Variants in SNTB1 observed in about 807,000 individuals in gnomAD.
SNTB1 encodes syntrophin beta 1.
Under a neutral mutation model 48.9 loss-of-function variants are expected in SNTB1, and 36 were observed. That is an observed-to-expected ratio of 0.74 (90% CI 0.56 to 0.97). The LOEUF is 0.97. Ranked by LOEUF, SNTB1 falls within the 50% of genes least tolerant of loss-of-function variation. SNTB1 has a pLI of 0.00. For synonymous variants in SNTB1, 299 were observed against 294.6 expected, an observed-to-expected ratio of 1.01 and a Z score of -0.15; for missense variants, 786 against 703.4, an observed-to-expected ratio of 1.12 and a Z score of -1.33.
chr8:120,754,069 T>G (rs1819269555), intron 1 of SNTB1, among the ~76,000 whole-genome samples: 1 of 152,300 alleles, frequency 6.6e-6, no homozygotes, highest in Non-Finnish European at 1.5e-5. Flanking sequence ...TCCCAAAGTC[T>G]TCTACTTCTG....
At chr8:120,632,700 C>T in intron 2 of SNTB1, 49 bp from the exon 3 acceptor site, 2 of 1,514,412 alleles carry the variant, frequency 1.3e-6, no homozygotes, top group Non-Finnish European at 1.8e-6. Context: ...GCAGGTCCTG[C>T]TTCGTCAAGA....
At chr8:120,731,491 A>G (rs575634479) in intron 1 of SNTB1, among the ~76,000 whole-genome samples, 5 of 152,304 alleles carry the variant, frequency 3.3e-5, no homozygotes, top group Admixed American at 6.5e-5. Flanking sequence ...CAGCTGATGA[A>G]AGCCTGGAAG....
chr8:120,561,472 A>C (rs1365838682), intron 4 of SNTB1, among the ~76,000 whole-genome samples: 1 of 152,028 alleles, frequency 6.6e-6, no homozygotes, highest in Non-Finnish European at 1.5e-5. Flanking sequence ...GGATATTCTC[A>C]CGTCATGACA....
chr8:120,770,202 T>G (rs137914494), intron 1 of SNTB1, among the ~76,000 whole-genome samples: 31 of 152,154 alleles, frequency 2.0e-4, no homozygotes, highest in African/African-American at 7.5e-4. Flanking sequence ...TATTTGTTGA[T>G]CCTACATTGC....
intron 1 of SNTB1, among the ~76,000 whole-genome samples, chr8:120,783,832 C>T (rs1819871062): frequency 6.6e-6 from 1 of 151,788 alleles, no homozygotes; most frequent in South Asian, 2.1e-4. Flanking sequence ...ATTTTTTTAC[C>T]AATAAAATTA....
intron 1 of SNTB1, among the ~76,000 whole-genome samples, chr8:120,706,655 A>G (rs1232858936): frequency 6.6e-6 from 1 of 152,160 alleles, no homozygotes; most frequent in Non-Finnish European, 1.5e-5. Context: ...CTCAACTCCA[A>G]ATATTGTTTT....
At chr8:120,748,133 T>A (rs1563588600) in intron 1 of SNTB1, among the ~76,000 whole-genome samples, 1 of 152,164 alleles carries the variant, frequency 6.6e-6, no homozygotes, top group African/African-American at 2.4e-5. Flanking sequence ...CTTTCTCTTG[T>A]GCAACCAGGC....
intron 3 of SNTB1, among the ~76,000 whole-genome samples, chr8:120,587,247 A>AAACAAAACAG (rs77506686): frequency 6.8e-4 from 104 of 152,136 alleles, no homozygotes; most frequent in Middle Eastern, 3.2e-3. Context: ...AAAACAGACA[A>AAACAAAACAG]ACAAACAAAA....
chr8:120,747,317 G>C (rs1002147463), intron 1 of SNTB1, among the ~76,000 whole-genome samples: 5 of 152,128 alleles, frequency 3.3e-5, no homozygotes, highest in African/African-American at 1.2e-4. Flanking sequence ...TTAAGACAGG[G>C]TCTTGGTCTG....
chr8:120,656,770 C>A (rs72609833), intron 2 of SNTB1, among the ~76,000 whole-genome samples: 9,209 of 152,004 alleles, frequency 0.061, 689 homozygotes, highest in East Asian at 0.35. Flanking sequence ...TGTTTGATGC[C>A]CAGTTAAAAT....
At chr8:120,662,370 G>A (rs1002734848) in intron 2 of SNTB1, among the ~76,000 whole-genome samples, 3 of 152,158 alleles carry the variant, frequency 2.0e-5, no homozygotes, top group African/African-American at 7.2e-5. Flanking sequence ...GACAAGTTGG[G>A]AAGAAAGTCA....
At chr8:120,584,714 C>T (rs1037550663) in intron 3 of SNTB1, among the ~76,000 whole-genome samples, 1 of 152,064 alleles carries the variant, frequency 6.6e-6, no homozygotes, top group African/African-American at 2.4e-5. Context: ...AGAATGTGAC[C>T]TGATCTGGAA....
intron 1 of SNTB1, among the ~76,000 whole-genome samples, chr8:120,758,552 G>A (rs1476384002): frequency 1.3e-5 from 2 of 152,144 alleles, no homozygotes; most frequent in African/African-American, 4.8e-5. Context: ...CCATTAATAT[G>A]CAATGTAATA....
At chr8:120,590,771 C>A (rs189571299) in intron 3 of SNTB1, among the ~76,000 whole-genome samples, 1 of 151,016 alleles carries the variant, frequency 6.6e-6, no homozygotes, top group East Asian at 2.0e-4. Flanking sequence ...ACCTCCACCT[C>A]CTGGGTCCCG....
At position 120,632,445 on chromosome 8, in the gene SNTB1, T is replaced by C. The variant is rs1816998500; in HGVS notation, c.995A>G (p.Lys332Arg). 1 of 1,613,784 alleles carries C rather than the reference T, an allele frequency of 6.2e-7. No individual in the cohort carries two copies. The highest frequency in any genetic ancestry group is 1.7e-5 in the Admixed American group (1 of 60,020). Reference sequence around the variant, plus strand: ...TACAGAGGAAGGTATTTTCCTTACCTTTTCTGCAAGCCAGCCAAGATGCCT... The same window carrying C: ...TACAGAGGAAGGTATTTTCCTTACCCTTTCTGCAAGCCAGCCAAGATGCCT... ...EIRHLGWLAE[K>R]VPGESKKQWK... is the part of the protein sequence containing the mutation. The change falls in exon 3 of 7, where the codon AAG (lysine) becomes AGG (arginine). Residue 332 changes from lysine (K) to arginine (R), a missense_variant and splice_region_variant. By Grantham distance (26) the Lys-to-Arg change is conservative. Transcript: ENST00000517992.
chr8:120,811,832 C>G lies in SNTB1; in HGVS notation c.12G>C (p.Ala4=). The G allele has an allele frequency of 7.4e-7, 1 of 1,347,754 alleles. No individual in the cohort carries two copies. The highest frequency in any genetic ancestry group is 9.5e-7 in the Non-Finnish European group (1 of 1,053,460). The allele number at this position is 1,347,754 out of a possible 1,614,324, so 83.5% of individuals were successfully genotyped here. The part of the protein sequence containing the change: MAV[A]AAAAAAGPAG... ...CCGGCCCAGCCGCCGCCGCCGCCGCCGCTACCGCCATCTTTCCGGCATTCT... is the reference window on the plus strand; with the variant it reads ...CCGGCCCAGCCGCCGCCGCCGCCGCGGCTACCGCCATCTTTCCGGCATTCT... The change falls in exon 1 of 7, where the codon GCG becomes GCC. Residue 4 remains alanine (A), a synonymous_variant. Coordinates refer to ENST00000517992, the MANE Select transcript of SNTB1 (RefSeq NM_021021.4).
At chr8:120,711,649 C>A (rs188357627) in intron 1 of SNTB1, among the ~76,000 whole-genome samples, 108 of 152,262 alleles carry the variant, frequency 7.1e-4, no homozygotes, top group Non-Finnish European at 2.6e-4. Context: ...ACTCCTTTTT[C>A]TTTTCTGTTC....
Position 120,693,812 on chromosome 8 carries a change from C to A in SNTB1, c.668G>T (p.Gly223Val), listed in dbSNP as rs772772455. 2.5e-6 allele frequency: 4 copies of A among 1,613,974 alleles called. No individual in the cohort carries two copies. Among genetic ancestry groups the A allele is most frequent in the East Asian group, 4.5e-5 (2 of 44,890 alleles). The change falls in exon 2 of 7, where the codon GGG (glycine) becomes GTG (valine). Residue 223 changes from glycine (G) to valine (V), a missense_variant. Gly to Val is a moderately radical substitution (Grantham distance 109, BLOSUM62 -3). Coordinates refer to ENST00000517992, the MANE Select transcript of SNTB1 (RefSeq NM_021021.4). ...ETPPPESPRL[G>V]GSTSDPPSSQ... is the part of the protein sequence containing the mutation. ...TGACGGGGGGTCTGAGGTGCTGCCCCCTAACCGAGGGGATTCAGGCGGAGG... is the reference window on the plus strand; with the variant it reads ...TGACGGGGGGTCTGAGGTGCTGCCCACTAACCGAGGGGATTCAGGCGGAGG...
intron 1 of SNTB1, among the ~76,000 whole-genome samples, chr8:120,717,142 G>A (rs1260169436): frequency 1.3e-5 from 2 of 152,198 alleles, no homozygotes; most frequent in African/African-American, 4.8e-5. Flanking sequence ...GCTTGTAGGA[G>A]GCTGCCCAGG....
Sources: gnomAD v4.1 joint callset for allele counts (sites outside exome capture counted in the v4.1 genomes callset) on GRCh38, gnomAD v4.1.1 for gene constraint, MANE v1.5 for transcripts, NCBI Gene and HGNC (gene_info 2026-07-23, HGNC 2026-07-21) for gene names.